AKAP7: variants seen among roughly 807,000 people sequenced by gnomAD.
AKAP7 encodes the protein A kinase (PRKA) anchor protein 7.
A neutral mutation model predicts 39.5 loss-of-function variants in AKAP7; 39 were observed. The ratio of observed to expected loss-of-function variants is 0.99; its 90% CI spans 0.76 to 1.29. The LOEUF (loss-of-function observed/expected upper bound fraction) is 1.29, where lower values mean the gene tolerates loss of function less well. AKAP7 is among the 50% of genes most tolerant of loss of function. AKAP7 has a pLI of 0.00. For synonymous variants in AKAP7, 140 were observed against 139.1 expected (o/e 1.01, Z -0.05); for missense variants, 414 against 407.7 (o/e 1.02, Z -0.13).
At chr6:131,260,576 T>C (rs983020067) in intron 7 of AKAP7, among the ~76,000 whole-genome samples, 3 of 152,244 alleles carry the variant, frequency 2.0e-5, no homozygotes, top group Admixed American at 2.0e-4. Context: ...GTTTTTCATA[T>C]ATTTGTTGGC....
chr6:131,239,231 TG>T (rs1191384649), intron 7 of AKAP7, among the ~76,000 whole-genome samples: 1 of 152,216 alleles, frequency 6.6e-6, no homozygotes, highest in Non-Finnish European at 1.5e-5. Context: ...TGTTGAATAT[TG>T]GCCCCCACTC....
At chr6:131,135,901 C>A in intron 1 of AKAP7, 119 bp downstream of exon 1, 1 of 1,114,310 alleles carries the variant, frequency 9.0e-7, no homozygotes, top group Non-Finnish European at 1.1e-6. Context: ...TCCGAGTCTC[C>A]CTCCTTCCCA....
intron 5 of AKAP7, 97 bp downstream of exon 5, chr6:131,169,370 A>T (rs1220216535): frequency 5.2e-6 from 7 of 1,335,072 alleles, no homozygotes; most frequent in Non-Finnish European, 7.4e-6. Context: ...ATTTTAAAAG[A>T]TGATGGACTA....
chr6:131,138,805 C>T (rs1800787925), intron 1 of AKAP7, among the ~76,000 whole-genome samples: 1 of 152,196 alleles, frequency 6.6e-6, no homozygotes, highest in Non-Finnish European at 1.5e-5. Flanking sequence ...GAGTTCCTCC[C>T]AGTGCTTCCA....
chr6:131,197,007 A>G (rs979311840), intron 5 of AKAP7, among the ~76,000 whole-genome samples: 1 of 152,128 alleles, frequency 6.6e-6, no homozygotes, highest in African/African-American at 2.4e-5. Context: ...ATCCCAAAGT[A>G]TTCTATACTA....
At chr6:131,252,450 C>T (rs909032096) in intron 7 of AKAP7, among the ~76,000 whole-genome samples, 1 of 152,146 alleles carries the variant, frequency 6.6e-6, no homozygotes, top group African/African-American at 2.4e-5. Flanking sequence ...TTTTCTCTTC[C>T]TAATCTGCTT....
chr6:131,231,419 T>C (rs1156395663), intron 7 of AKAP7, among the ~76,000 whole-genome samples: 2 of 152,156 alleles, frequency 1.3e-5, no homozygotes, highest in Non-Finnish European at 2.9e-5. Context: ...ATTTCATCTC[T>C]ACTTAGACCG....
At chr6:131,222,612 T>C (rs540245252) in intron 7 of AKAP7, among the ~76,000 whole-genome samples, 1 of 152,270 alleles carries the variant, frequency 6.6e-6, no homozygotes, top group African/African-American at 2.4e-5. Context: ...TGTAATCTCA[T>C]GATAAAACTT....
At chr6:131,248,988 A>ATGAT (rs1812239806) in intron 7 of AKAP7, among the ~76,000 whole-genome samples, 1 of 152,202 alleles carries the variant, frequency 6.6e-6, no homozygotes, top group Non-Finnish European at 1.5e-5. Flanking sequence ...TGTTCATTGT[A>ATGAT]TGATAGAATG....
Position 131,135,763 on chromosome 6 carries a change from C to G in AKAP7, c.-1C>G. 4 of 1,229,792 alleles carry G rather than the reference C, an allele frequency of 3.3e-6. No individual in the cohort carries two copies. Among genetic ancestry groups the G allele is most frequent in the Non-Finnish European group, 4.0e-6 (4 of 988,124 alleles). 76.2% of individuals were successfully genotyped at this position (1,229,792 alleles called of 1,614,324 possible). A position where few individuals can be genotyped will look rare whatever the true frequency, so the allele number is the denominator to read the frequency against. On this transcript the variant is annotated 5_prime_UTR_variant, in exon 1 of 8. Transcript: ENST00000431975. ...ACGCGCCGCCCGCATGCGCCGCGAC[C>G]ATGGAGCGCCCCGAAGCGGGTGAGA...
intron 6 of AKAP7, among the ~76,000 whole-genome samples, chr6:131,218,749 A>G (rs1414207502): frequency 5.3e-5 from 8 of 152,208 alleles, no homozygotes; most frequent in Admixed American, 5.2e-4. Flanking sequence ...GTTTCTGCTA[A>G]GAAAATACAC....
At chr6:131,173,007 C>G (rs1804220849) in intron 5 of AKAP7, among the ~76,000 whole-genome samples, 1 of 151,894 alleles carries the variant, frequency 6.6e-6, no homozygotes, top group Non-Finnish European at 1.5e-5. Flanking sequence ...TACTGGAGAC[C>G]AGCCTGGCCA....
intron 7 of AKAP7, among the ~76,000 whole-genome samples, chr6:131,261,209 CAAAA>C (rs370266418): frequency 9.2e-6 from 1 of 108,600 alleles, no homozygotes. Context: ...ACTCTGTCTC[CAAAA>C]AAAAAAAAAA....
intron 7 of AKAP7, among the ~76,000 whole-genome samples, chr6:131,223,665 C>T (rs549707516): frequency 6.6e-6 from 1 of 152,288 alleles, no homozygotes; most frequent in African/African-American, 2.4e-5. Flanking sequence ...TTTTGGCCAG[C>T]TTCCCCTATC....
At chr6:131,213,489 A>G (rs1405870968) in intron 6 of AKAP7, among the ~76,000 whole-genome samples, 3 of 152,212 alleles carry the variant, frequency 2.0e-5, no homozygotes, top group African/African-American at 7.2e-5. Context: ...AACATGTACC[A>G]AAGAGCAAAA....
At chr6:131,189,805 A>AT (rs541486619) in intron 5 of AKAP7, among the ~76,000 whole-genome samples, 93 of 152,210 alleles carry the variant, frequency 6.1e-4, no homozygotes, top group Non-Finnish European at 1.1e-3. Context: ...TCTTCAGACA[A>AT]TTTTCATCTT....
chr6:131,143,741 T>C (rs987961396), intron 1 of AKAP7, among the ~76,000 whole-genome samples: 4 of 141,794 alleles, frequency 2.8e-5, no homozygotes, highest in Admixed American at 1.4e-4. Flanking sequence ...CCATATTCTT[T>C]TTTTTTTTTT....
At chr6:131,169,008 C>G (rs1175077714) in intron 4 of AKAP7, 105 bp from the exon 5 acceptor site, 3 of 1,019,974 alleles carry the variant, frequency 2.9e-6, no homozygotes, top group South Asian at 3.5e-5. Flanking sequence ...ATAATTAGTA[C>G]AAATATCAAA....
chr6:131,152,687 C>T (rs1584955504), intron 2 of AKAP7, among the ~76,000 whole-genome samples: 1 of 151,858 alleles, frequency 6.6e-6, no homozygotes, highest in East Asian at 1.9e-4. Context: ...ATTAGCTGGG[C>T]AAGGTGGTAC....
Sources: allele counts gnomAD v4.1 joint callset (sites outside exome capture counted in the v4.1 genomes callset), GRCh38; gene constraint gnomAD v4.1.1; transcripts MANE v1.5; gene names NCBI Gene and HGNC (gene_info 2026-07-23, HGNC 2026-07-21).